The following OTUD7B variants were observed in gnomAD, a reference collection of about 807,000 sequenced individuals.
OTUD7B encodes OTU deubiquitinase 7B.
Under a neutral mutation model 82.2 loss-of-function variants are expected in OTUD7B, and 34 were observed. The observed-to-expected ratio is 0.41, with a 90% CI of 0.31 to 0.55. The LOEUF (loss-of-function observed/expected upper bound fraction) is 0.55, where lower values mean the gene tolerates loss of function less well. OTUD7B is among the 20% of genes least tolerant of loss of function. OTUD7B has a pLI of 0.20. For synonymous variants in OTUD7B, 398 were observed against 402.7 expected (o/e 0.99, Z 0.14); for missense variants, 944 against 1,062.1 (o/e 0.89, Z 1.55).
At chr1:150,014,732 C>G (rs587601503), upstream of OTUD7B, among the ~76,000 whole-genome samples, 1 of 151,898 alleles carries the variant, frequency 6.6e-6, no homozygotes, top group African/African-American at 2.4e-5. Context: ...CAGGAACAGG[C>G]GAACGTAATC....
chr1:149,989,762 T>TG (rs1268452517), intron 1 of OTUD7B, among the ~76,000 whole-genome samples: 156 of 41,630 alleles, frequency 3.7e-3, no homozygotes, highest in African/African-American at 0.013. Context: ...AAGAAGAAGG[T>TG]GGGGGGCGGG....
intron 2 of OTUD7B, among the ~76,000 whole-genome samples, chr1:149,972,918 C>T (rs1650032028): frequency 6.6e-6 from 1 of 152,166 alleles, no homozygotes; most frequent in African/African-American, 2.4e-5. Flanking sequence ...TGCTGCTTCT[C>T]CTCTTCCTAT....
chr1:150,024,937 A>G, the OTUD7B span, among the ~76,000 whole-genome samples: 1 of 152,082 alleles, frequency 6.6e-6, no homozygotes, highest in African/African-American at 2.4e-5. Context: ...AGTCCCAGCT[A>G]CTCGGGAGGC....
At chr1:149,989,160 A>C (rs1553781475) in intron 1 of OTUD7B, among the ~76,000 whole-genome samples, 1 of 152,136 alleles carries the variant, frequency 6.6e-6, no homozygotes, top group Non-Finnish European at 1.5e-5. Context: ...GCATACAAGT[A>C]CTAATTAATT....
intron 1 of OTUD7B, among the ~76,000 whole-genome samples, chr1:149,993,750 T>C (rs1311982578): frequency 7.9e-5 from 12 of 152,248 alleles, no homozygotes; most frequent in African/African-American, 2.9e-4. Flanking sequence ...TCTACATCGA[T>C]ACATTTTAAA....
intron 7 of OTUD7B, among the ~76,000 whole-genome samples, chr1:149,959,165 G>A (rs1344909747): frequency 6.6e-6 from 1 of 151,464 alleles, no homozygotes. Context: ...AGGTTGCAGT[G>A]AGCAGAGATC....
chr1:150,024,443 C>A, the OTUD7B span, among the ~76,000 whole-genome samples: 1 of 152,016 alleles, frequency 6.6e-6, no homozygotes, highest in Non-Finnish European at 1.5e-5. Context: ...GGTGATAAAG[C>A]CTAGAAACAG....
the OTUD7B span, among the ~76,000 whole-genome samples, chr1:150,017,776 A>G: frequency 2.6e-5 from 4 of 152,348 alleles, no homozygotes; most frequent in Middle Eastern, 3.4e-3. Flanking sequence ...TTTACTTGAC[A>G]CTGTCATTAA....
At position 149,944,097 on chromosome 1, in the gene OTUD7B, C is replaced by T; in HGVS notation, c.2292G>A (p.Leu764=). 1.2e-6 allele frequency: 2 copies of T among 1,614,056 alleles called. No homozygotes were observed. The highest frequency in any genetic ancestry group is 2.2e-5 in the East Asian group (1 of 44,878). ...CAGCCACTCGGTAGGGGGGTGGTAA[C>T]AAGGCACCCCTGTGAAGTCCATCCT... ...HSKDGLHRGA[L]LPPPYRVADS... Residue 764 remains leucine, a synonymous_variant, in exon 12 of 12, where the codon TTG becomes TTA. Transcript: ENST00000581312.
rs587774517 is a variant in OTUD7B, at chr1:149,961,971, C to T, written c.733-2175G>A. 13 of 152,202 alleles carry T rather than the reference C, an allele frequency of 8.5e-5. No individual in the cohort carries two copies. The South Asian group carries it at 2.7e-3, about 32-fold the overall frequency. The allele number at this position is 152,202 out of a possible 1,614,324, so 9.4% of individuals were successfully genotyped here. ...TTAAAATGAGTCTATACGGCTTAACCGCACACTGACAGAGTAGAAGGAAAT... is the reference window on the plus strand; with the variant it reads ...TTAAAATGAGTCTATACGGCTTAACTGCACACTGACAGAGTAGAAGGAAAT... On this transcript the variant is annotated intron_variant, in intron 6 of 11. Coordinates refer to ENST00000581312, the MANE Select transcript of OTUD7B (RefSeq NM_020205.4).
At chr1:149,980,478 TG>T (rs1650638192) in intron 1 of OTUD7B, among the ~76,000 whole-genome samples, 1 of 151,844 alleles carries the variant, frequency 6.6e-6, no homozygotes, top group Non-Finnish European at 1.5e-5. Context: ...TCCAGCACTT[TG>T]GGAGGCCGAG....
the OTUD7B span, among the ~76,000 whole-genome samples, chr1:150,049,046 C>T: frequency 2.6e-5 from 4 of 152,074 alleles, no homozygotes; most frequent in African/African-American, 9.7e-5. Flanking sequence ...CCATGTTGGC[C>T]AGGCTGGTCT....
At chr1:149,983,226 C>G (rs1650906756) in intron 1 of OTUD7B, among the ~76,000 whole-genome samples, 1 of 152,120 alleles carries the variant, frequency 6.6e-6, no homozygotes, top group South Asian at 2.1e-4. Context: ...ATTAATTCAA[C>G]AGAAGTATTT....
At chr1:150,019,219 A>C in the OTUD7B span, among the ~76,000 whole-genome samples, 2 of 152,136 alleles carry the variant, frequency 1.3e-5, no homozygotes, top group East Asian at 3.8e-4. Flanking sequence ...ATTACCTCTG[A>C]CGTAAACTAT....
At chr1:149,950,062 A>G in intron 8 of OTUD7B, 32 bp downstream of exon 8, 1 of 1,612,504 alleles carries the variant, frequency 6.2e-7, no homozygotes, top group Non-Finnish European at 8.5e-7. Flanking sequence ...GGGGGTGCTC[A>G]GCATGGAGTG....
chr1:150,039,549 T>G, the OTUD7B span, among the ~76,000 whole-genome samples: 1 of 151,926 alleles, frequency 6.6e-6, no homozygotes, highest in Non-Finnish European at 1.5e-5. Flanking sequence ...GTTAATTTTT[T>G]GTATTTTTAA....
At chr1:149,984,176 A>C (rs1553780356) in intron 1 of OTUD7B, among the ~76,000 whole-genome samples, 1 of 151,972 alleles carries the variant, frequency 6.6e-6, no homozygotes, top group East Asian at 1.9e-4. Flanking sequence ...ATGCTCCTTG[A>C]GCCTCCCACC....
the OTUD7B span, among the ~76,000 whole-genome samples, chr1:150,052,823 C>A: frequency 0.02 from 2,867 of 146,254 alleles, 81 homozygotes; most frequent in African/African-American, 0.067. Context: ...AAACAAAAAA[C>A]AAAAAAAAAA....
chr1:150,018,153 C>A, the OTUD7B span, among the ~76,000 whole-genome samples: 1 of 152,132 alleles, frequency 6.6e-6, no homozygotes. Context: ...GAGATAAAAT[C>A]CTGAGGTCCA....
Sources: gnomAD v4.1 joint callset for allele counts (sites outside exome capture counted in the v4.1 genomes callset) on GRCh38, gnomAD v4.1.1 for gene constraint, MANE v1.5 for transcripts, NCBI Gene and HGNC (gene_info 2026-07-23, HGNC 2026-07-21) for gene names.